RAPGEF5: variants seen among roughly 807,000 people sequenced by gnomAD.
The protein encoded by RAPGEF5 is M-Ras-regulated GEF.
In RAPGEF5, 65 loss-of-function variants were observed where a neutral mutation model predicts 125.2. The observed-to-expected ratio is 0.52, with a 90% confidence interval of 0.43 to 0.64. The LOEUF is 0.64. Ranked by LOEUF, RAPGEF5 falls within the 30% of genes least tolerant of loss-of-function variation. The pLI is 0.00. For synonymous variants in RAPGEF5, 391 were observed against 385.9 expected (o/e 1.01, Z -0.16); for missense variants, 958 against 1,048.1 (o/e 0.91, Z 1.19).
chr7:22,253,034 G>A (rs988509275), intron 7 of RAPGEF5, among the ~76,000 whole-genome samples: 3 of 152,070 alleles, frequency 2.0e-5, no homozygotes, highest in African/African-American at 2.4e-5. Context: ...GAGACAGGAC[G>A]TGAATATACA....
intron 7 of RAPGEF5, among the ~76,000 whole-genome samples, chr7:22,234,881 T>C (rs904195802): frequency 6.6e-6 from 1 of 152,156 alleles, no homozygotes; most frequent in African/African-American, 2.4e-5. Context: ...ATTATAATAA[T>C]AATACTTAAA....
chr7:22,289,348 A>G (rs1782875878), intron 6 of RAPGEF5, among the ~76,000 whole-genome samples: 1 of 152,212 alleles, frequency 6.6e-6, no homozygotes, highest in Non-Finnish European at 1.5e-5. Flanking sequence ...AAAAATTCTG[A>G]GTTCTGACTC....
chr7:22,208,527 C>T (rs935463077), intron 9 of RAPGEF5, among the ~76,000 whole-genome samples: 2 of 152,162 alleles, frequency 1.3e-5, no homozygotes, highest in African/African-American at 2.4e-5. Flanking sequence ...GGGATGCTGG[C>T]CTCTGTCTGA....
chr7:22,174,709 A>G (rs574235832), intron 11 of RAPGEF5, among the ~76,000 whole-genome samples: 76 of 150,378 alleles, frequency 5.1e-4, no homozygotes, highest in Non-Finnish European at 6.5e-4. Context: ...CTTATTCCAC[A>G]GGAAAAGGGA....
chr7:22,286,155 A>T (rs994791605), intron 6 of RAPGEF5, among the ~76,000 whole-genome samples: 3 of 152,176 alleles, frequency 2.0e-5, no homozygotes, highest in Admixed American at 1.3e-4. Flanking sequence ...CAGAAGAGAG[A>T]GACATAAATT....
chr7:22,165,390 A>T (rs1329603523), intron 12 of RAPGEF5, among the ~76,000 whole-genome samples: 4 of 152,198 alleles, frequency 2.6e-5, no homozygotes, highest in African/African-American at 9.6e-5. Context: ...TGTTTTAGAA[A>T]TATGTTAGCA....
chr7:22,133,631 A>G (rs752296977), intron 23 of RAPGEF5, among the ~76,000 whole-genome samples: 4 of 151,848 alleles, frequency 2.6e-5, no homozygotes, highest in African/African-American at 4.8e-5. Flanking sequence ...GCAACAATAA[A>G]CTCCACTCTA....
chr7:22,330,226 G>C (rs1018526914), intron 1 of RAPGEF5, among the ~76,000 whole-genome samples: 1 of 152,246 alleles, frequency 6.6e-6, no homozygotes, highest in Admixed American at 6.5e-5. Flanking sequence ...GGGAAAGTGA[G>C]TTAAACCTCT....
At chr7:22,124,106 G>T (rs1280592646) in intron 25 of RAPGEF5, among the ~76,000 whole-genome samples, 4 of 152,210 alleles carry the variant, frequency 2.6e-5, no homozygotes, top group African/African-American at 9.6e-5. Context: ...ACAGAGGGTT[G>T]CTCTCTGATG....
chr7:22,150,644 T>A, intron 17 of RAPGEF5, 140 bp from the exon 18 acceptor site: 1 of 1,226,138 alleles, frequency 8.2e-7, no homozygotes, highest in Non-Finnish European at 1.1e-6. Context: ...GTGGATTAAT[T>A]AAGTTCTGCA....
chr7:22,272,367 GGAAAAAAAA>G (rs1562500911), intron 6 of RAPGEF5, among the ~76,000 whole-genome samples: 3 of 103,764 alleles, frequency 2.9e-5, no homozygotes, highest in Non-Finnish European at 6.5e-5. Flanking sequence ...AAAAAAAGAA[GGAAAAAAAA>G]GAAAAAAAAA....
At chr7:22,129,365 G>A (rs1583386723) in intron 24 of RAPGEF5, among the ~76,000 whole-genome samples, 1 of 152,132 alleles carries the variant, frequency 6.6e-6, no homozygotes, top group South Asian at 2.1e-4. Flanking sequence ...CCTTTCCAGG[G>A]AATTCCACTT....
intron 1 of RAPGEF5, among the ~76,000 whole-genome samples, chr7:22,348,187 C>T (rs909017396): frequency 1.3e-4 from 20 of 152,152 alleles, no homozygotes; most frequent in Non-Finnish European, 2.1e-4. Flanking sequence ...ATTTCTTTTG[C>T]TGTGCTATCT....
chr7:22,170,450 G>T (rs1562736614), intron 11 of RAPGEF5, among the ~76,000 whole-genome samples: 1 of 152,180 alleles, frequency 6.6e-6, no homozygotes, highest in Non-Finnish European at 1.5e-5. Flanking sequence ...GCACTGAGAG[G>T]GAGTTGGCAT....
rs1046793652 is a variant in RAPGEF5 at position 22,127,242 on chromosome 7, T to C, written c.2482-1584A>G. Among the ~76,000 whole-genome samples, 5 of 152,190 alleles carry C rather than the reference T, an allele frequency of 3.3e-5. No individual in the cohort carries two copies. The South Asian group carries it at 1.0e-3, about 32-fold the overall frequency. ...TTAGTAAAGACAGGGTTTCACCATG[T>C]TCAAGTCAGGCTGGTCTTGAACTCC... is the stretch of plus-strand genomic sequence containing the variant. On this transcript the variant is annotated intron_variant, in intron 24 of 25. Coordinates refer to ENST00000665637, the MANE Select transcript of RAPGEF5 (RefSeq NM_012294.5).
At chr7:22,356,393 G>C (rs542644333) in intron 1 of RAPGEF5, 4 of 260,322 alleles carry the variant, frequency 1.5e-5, no homozygotes, top group Non-Finnish European at 2.4e-5. Context: ...CCCAGAGCTT[G>C]CAACAGCACC....
chr7:22,312,774 G>A (rs1267787608), intron 3 of RAPGEF5, among the ~76,000 whole-genome samples: 2 of 152,158 alleles, frequency 1.3e-5, no homozygotes, highest in East Asian at 1.9e-4. Context: ...CACATATAAG[G>A]ATCCACCTAC....
chr7:22,286,410 T>C (rs1241029211), intron 6 of RAPGEF5, among the ~76,000 whole-genome samples: 1 of 152,198 alleles, frequency 6.6e-6, no homozygotes, highest in Admixed American at 6.5e-5. Flanking sequence ...TGAACAAAAG[T>C]CACAAATTTC....
At chr7:22,355,714 C>A (rs1784408371) in intron 1 of RAPGEF5, among the ~76,000 whole-genome samples, 1 of 152,092 alleles carries the variant, frequency 6.6e-6, no homozygotes, top group Non-Finnish European at 1.5e-5. Flanking sequence ...AGAGATGCAG[C>A]CTCGAGAAGC....
Sources: allele counts gnomAD v4.1 joint callset (sites outside exome capture counted in the v4.1 genomes callset), GRCh38; gene constraint gnomAD v4.1.1; transcripts MANE v1.5; gene names NCBI Gene and HGNC (gene_info 2026-07-23, HGNC 2026-07-21).